Variants in RIMS2 observed in about 807,000 individuals in gnomAD.
The protein encoded by RIMS2 is regulating synaptic membrane exocytosis protein 2.
RIMS2 carries 59 observed loss-of-function variants against 174.4 expected under a neutral mutation model. That is an observed-to-expected ratio of 0.34 (90% CI 0.27 to 0.42). The LOEUF is 0.42. Among genes scored for constraint, RIMS2 ranks in the 10% least tolerant of loss-of-function variants. RIMS2 has a pLI of 1.00. For synonymous variants in RIMS2, 606 were observed against 572.5 expected, an observed-to-expected ratio of 1.06 and a Z score of -0.84; for missense variants, 1,620 against 1,666.3, an observed-to-expected ratio of 0.97 and a Z score of 0.48.
At chr8:104,251,430 G>T (rs1353518410) in intron 23 of RIMS2, among the ~76,000 whole-genome samples, 172 bp from the exon 30 acceptor site, 1 of 152,134 alleles carries the variant, frequency 6.6e-6, no homozygotes, top group African/African-American at 2.4e-5. Flanking sequence ...AATTTCCCCA[G>T]TGTACCTTTA....
At chr8:103,987,917 T>C in intron 16 of RIMS2, among the ~76,000 whole-genome samples, 1 of 152,176 alleles carries the variant, frequency 6.6e-6, no homozygotes, top group Non-Finnish European at 1.5e-5. Context: ...GGTAAAACTT[T>C]GGGTAAGGAA....
intron 19 of RIMS2, among the ~76,000 whole-genome samples, chr8:104,232,202 C>T (rs1024507526): frequency 1.3e-5 from 2 of 152,084 alleles, no homozygotes; most frequent in Admixed American, 6.5e-5. Context: ...AGTACCTGGT[C>T]GGTTTCTATG....
rs2097521927 is a variant in RIMS2 at position 103,725,814 on chromosome 8, C to A, written c.387+28518C>A. 2.0e-5 allele frequency among the ~76,000 whole-genome samples: 3 copies of A among 152,180 alleles called. No homozygotes were observed. In the South Asian group the frequency reaches 6.2e-4, roughly 31 times the overall value. ...CAAAGGTCATATACAATTTTATATT[C>A]TTACCAGCCAAATATGAACACTCTG... On this transcript the variant is annotated intron_variant, in intron 2 of 23. Coordinates refer to ENST00000504942, the Ensembl canonical transcript of RIMS2.
rs140486051 is a variant in RIMS2 at position 103,516,525 on chromosome 8, A to G, written c.176+15463A>G. Among the ~76,000 whole-genome samples the G allele has an allele frequency of 4.2e-3, 634 of 152,238 alleles. 3 individuals carry two copies. The highest frequency in any genetic ancestry group is 0.015 in the African/African-American group (604 of 41,566). On this transcript the variant is annotated intron_variant, in intron 1 of 23. Coordinates refer to ENST00000504942, the Ensembl canonical transcript of RIMS2. Reference sequence around the variant, plus strand: ...TGGTAATTGTTAACATTAAAAGCCAATAAGAAAGAAATAAAGAGGGCCAGA... The same window carrying G: ...TGGTAATTGTTAACATTAAAAGCCAGTAAGAAAGAAATAAAGAGGGCCAGA...
At chr8:104,137,728 G>T (rs1210715022) in intron 19 of RIMS2, among the ~76,000 whole-genome samples, 2 of 152,074 alleles carry the variant, frequency 1.3e-5, no homozygotes, top group Non-Finnish European at 2.9e-5. Flanking sequence ...AGATGTAACT[G>T]CTTCACATAT....
chr8:103,814,372 G>A (rs755186316), intron 3 of RIMS2, among the ~76,000 whole-genome samples: 6 of 151,202 alleles, frequency 4.0e-5, no homozygotes, highest in Non-Finnish European at 8.8e-5. Context: ...ATTTACCTAT[G>A]TAACATACCT....
intron 1 of RIMS2, among the ~76,000 whole-genome samples, chr8:103,687,845 TC>T (rs1363440941): frequency 6.6e-6 from 1 of 151,864 alleles, no homozygotes; most frequent in African/African-American, 2.4e-5. Flanking sequence ...AGGACTTCTT[TC>T]TTTTTTATAG....
At chr8:103,966,463 G>A (rs375771969) in intron 15 of RIMS2, among the ~76,000 whole-genome samples, 1 of 151,976 alleles carries the variant, frequency 6.6e-6, no homozygotes, top group East Asian at 1.9e-4. Flanking sequence ...GGGATCTGTA[G>A]TGATGTCCTC....
At chr8:104,054,877 T>G (rs1341554220) in intron 19 of RIMS2, among the ~76,000 whole-genome samples, 1 of 152,164 alleles carries the variant, frequency 6.6e-6, no homozygotes, top group East Asian at 1.9e-4. Context: ...AAAGAAAATG[T>G]AAATATTTTA....
intron 19 of RIMS2, among the ~76,000 whole-genome samples, chr8:104,189,547 G>A (rs1173073468): frequency 1.3e-5 from 2 of 148,220 alleles, no homozygotes; most frequent in African/African-American, 4.9e-5. Context: ...AAACTGGATA[G>A]AGAAAGAGAA....
At chr8:103,565,774 G>T (rs547993583) in intron 1 of RIMS2, among the ~76,000 whole-genome samples, 14 of 152,274 alleles carry the variant, frequency 9.2e-5, no homozygotes, top group Non-Finnish European at 1.6e-4. Flanking sequence ...GGAGGCCTCT[G>T]AACACTGGTG....
At chr8:103,839,957 A>C (rs1399591891) in intron 3 of RIMS2, among the ~76,000 whole-genome samples, 1 of 152,212 alleles carries the variant, frequency 6.6e-6, no homozygotes, top group Non-Finnish European at 1.5e-5. Context: ...ATGCTCCATG[A>C]AACCAATGCT....
At chr8:103,813,507 CTCG>C (rs1403667657) in intron 3 of RIMS2, among the ~76,000 whole-genome samples, 2 of 152,002 alleles carry the variant, frequency 1.3e-5, no homozygotes, top group Non-Finnish European at 2.9e-5. Context: ...CACCCATTAA[CTCG>C]TCATTTACAT....
exon 1 of RIMS2, chr8:103,500,852 C>G: frequency 6.7e-7 from 1 of 1,486,782 alleles, no homozygotes; most frequent in Non-Finnish European, 9.0e-7. Context: ...GGAGTTGCCT[C>G]CCCGCTTCCC....
intron 13 of RIMS2, 35 bp downstream of exon 15, chr8:103,936,757 T>G: frequency 2.8e-6 from 4 of 1,451,944 alleles, no homozygotes; most frequent in Non-Finnish European, 2.8e-6. Flanking sequence ...ATGCTATTCA[T>G]GTTATCCTGA....
intron 2 of RIMS2, among the ~76,000 whole-genome samples, chr8:103,755,769 C>T (rs1022329881): frequency 2.6e-5 from 4 of 152,146 alleles, no homozygotes; most frequent in African/African-American, 4.8e-5. Context: ...TGTTTTTCAG[C>T]TCTATCAGTT....
chr8:103,965,695 A>T (rs542288015), intron 15 of RIMS2, among the ~76,000 whole-genome samples: 71 of 152,118 alleles, frequency 4.7e-4, no homozygotes, highest in African/African-American at 1.7e-3. Flanking sequence ...AAGTGGTGAG[A>T]GTGGACATCC....
At chr8:103,759,706 G>A (rs1221667441) in intron 2 of RIMS2, among the ~76,000 whole-genome samples, 10 of 152,152 alleles carry the variant, frequency 6.6e-5, no homozygotes, top group Admixed American at 2.0e-4. Context: ...TATAGTGAGG[G>A]ATGAGATGAC....
At chr8:104,128,556 G>A (rs1048494874) in intron 19 of RIMS2, among the ~76,000 whole-genome samples, 21 of 152,162 alleles carry the variant, frequency 1.4e-4, no homozygotes, top group Middle Eastern at 6.8e-3. Flanking sequence ...AATTAGCTGG[G>A]CGTAGTGGCA....
Sources: gnomAD v4.1 joint callset for allele counts (sites outside exome capture counted in the v4.1 genomes callset) on GRCh38, gnomAD v4.1.1 for gene constraint, MANE v1.5 for transcripts, NCBI Gene and HGNC (gene_info 2026-07-23, HGNC 2026-07-21) for gene names.